ARHGAP15: variants seen among roughly 807,000 people sequenced by gnomAD.
ARHGAP15 encodes the protein Rho GTPase activating protein 15, also known as rho GTPase-activating protein 15.
ARHGAP15 carries 51 observed loss-of-function variants against 63.7 expected under a neutral mutation model. That is an observed-to-expected ratio of 0.80 (90% CI 0.64 to 1.01). ARHGAP15 has a LOEUF of 1.01. Among genes scored for constraint, ARHGAP15 ranks in the 50% least tolerant of loss-of-function variants. ARHGAP15 has a pLI of 0.00. For missense variants in ARHGAP15, 560 were observed against 564.6 expected, an observed-to-expected ratio of 0.99 and a Z score of 0.08; for synonymous variants, 191 against 193.8, an observed-to-expected ratio of 0.99 and a Z score of 0.12.
At chr2:143,478,460 C>T (rs1691925753) in intron 8 of ARHGAP15, among the ~76,000 whole-genome samples, 1 of 152,178 alleles carries the variant, frequency 6.6e-6, no homozygotes, top group Non-Finnish European at 1.5e-5. Context: ...TCTCTATGTC[C>T]TTAGACACGG....
At chr2:143,388,704 C>CT (rs1191830377) in intron 6 of ARHGAP15, among the ~76,000 whole-genome samples, 1 of 152,136 alleles carries the variant, frequency 6.6e-6, no homozygotes, top group Non-Finnish European at 1.5e-5. Flanking sequence ...AAGTATTGGT[C>CT]TTAATTGTTC....
intron 12 of ARHGAP15, among the ~76,000 whole-genome samples, chr2:143,650,495 C>T (rs928878776): frequency 2.2e-4 from 33 of 151,880 alleles, no homozygotes; most frequent in Admixed American, 2.0e-3. Context: ...ACAGTACCTT[C>T]CTCGGATGTT....
At chr2:143,474,810 T>G (rs573440758) in intron 8 of ARHGAP15, among the ~76,000 whole-genome samples, 1 of 152,226 alleles carries the variant, frequency 6.6e-6, no homozygotes, top group Admixed American at 6.5e-5. Flanking sequence ...TGCCCAAGAA[T>G]GGGGTTATCT....
chr2:143,130,236 A>G (rs1559023761), intron 1 of ARHGAP15, among the ~76,000 whole-genome samples: 1 of 152,156 alleles, frequency 6.6e-6, no homozygotes, highest in Non-Finnish European at 1.5e-5. Flanking sequence ...CTTAGAAATG[A>G]AAAGGATTTG....
At chr2:143,665,936 A>G (rs1176299804) in intron 12 of ARHGAP15, among the ~76,000 whole-genome samples, 2 of 144,464 alleles carry the variant, frequency 1.4e-5, no homozygotes, top group South Asian at 4.7e-4. Flanking sequence ...AACAAATGGA[A>G]GAACATTCCA....
intron 11 of ARHGAP15, among the ~76,000 whole-genome samples, chr2:143,602,019 C>CT (rs973502593): frequency 5.3e-5 from 8 of 151,700 alleles, no homozygotes; most frequent in Admixed American, 6.6e-5. Flanking sequence ...ATCAGCTAGT[C>CT]TTTTTTTTGG....
intron 2 of ARHGAP15, among the ~76,000 whole-genome samples, chr2:143,171,197 C>T (rs929705997): frequency 1.3e-5 from 2 of 152,094 alleles, no homozygotes; most frequent in South Asian, 2.1e-4. Context: ...CTCAGGATAT[C>T]ACTATTGTAT....
intron 6 of ARHGAP15, among the ~76,000 whole-genome samples, chr2:143,339,027 T>C (rs1684935155): frequency 6.6e-6 from 1 of 152,170 alleles, no homozygotes; most frequent in Non-Finnish European, 1.5e-5. Context: ...GTGTTCTTTG[T>C]TGGGGATAGC....
intron 9 of ARHGAP15, among the ~76,000 whole-genome samples, chr2:143,493,442 T>G (rs1246072980): frequency 6.6e-6 from 1 of 152,266 alleles, no homozygotes; most frequent in Non-Finnish European, 1.5e-5. Context: ...CCAGTTATAC[T>G]GTTCTTGCTT....
intron 9 of ARHGAP15, among the ~76,000 whole-genome samples, chr2:143,498,220 A>C (rs1001196995): frequency 1.3e-5 from 2 of 152,206 alleles, no homozygotes; most frequent in Non-Finnish European, 2.9e-5. Context: ...TATTAAAAGC[A>C]TCTCTCTTTG....
At chr2:143,558,166 C>G (rs1695885760) in intron 11 of ARHGAP15, among the ~76,000 whole-genome samples, 1 of 152,158 alleles carries the variant, frequency 6.6e-6, no homozygotes, top group African/African-American at 2.4e-5. Flanking sequence ...TTCAGGTCCT[C>G]TGAATGTTTT....
chr2:143,163,809 C>T (rs1248304380), intron 2 of ARHGAP15, among the ~76,000 whole-genome samples: 4 of 152,036 alleles, frequency 2.6e-5, no homozygotes, highest in South Asian at 2.1e-4. Context: ...GTGGGGGCGG[C>T]GGTGTGTTTA....
At chr2:143,666,406 A>G (rs1316752062) in intron 12 of ARHGAP15, among the ~76,000 whole-genome samples, 1 of 152,188 alleles carries the variant, frequency 6.6e-6, no homozygotes, top group Non-Finnish European at 1.5e-5. Flanking sequence ...TACACCTTAT[A>G]CAAAAATCAA....
chr2:143,537,222 G>GT (rs541680974), intron 10 of ARHGAP15, among the ~76,000 whole-genome samples: 47,440 of 151,620 alleles, frequency 0.31, 7,972 homozygotes, highest in East Asian at 0.42. Context: ...TTTTGACGAG[G>GT]TTGTTTGTTT....
intron 13 of ARHGAP15, among the ~76,000 whole-genome samples, chr2:143,738,903 A>G (rs1185826282): frequency 6.6e-6 from 1 of 152,202 alleles, no homozygotes; most frequent in East Asian, 1.9e-4. Context: ...AGCCGTAACG[A>G]AAACAAGGTC....
rs530032627 is a variant in ARHGAP15 at position 143,440,931 on chromosome 2, A to C, written c.703+3889A>C. Among the ~76,000 whole-genome samples the C allele has an allele frequency of 2.0e-5, 3 of 152,316 alleles. No individual in the cohort carries two copies. The South Asian group carries it at 6.2e-4, about 32-fold the overall frequency. ...GACAGCAAAGAGGGGGAAGGCCCAA[A>C]TATAATAAATCTTGCATCAGATAAC... On this transcript the variant is annotated intron_variant, in intron 8 of 13. Transcript: ENST00000295095.
chr2:143,725,502 C>T (rs1216632307), intron 13 of ARHGAP15, among the ~76,000 whole-genome samples: 2 of 152,336 alleles, frequency 1.3e-5, no homozygotes, highest in East Asian at 3.9e-4. Context: ...ATAACTTGTT[C>T]TCAGAAAACT....
In ARHGAP15 at chr2:143,768,159, C is replaced by A; in HGVS notation, c.1415C>A (p.Ser472Ter). 6.2e-7 allele frequency: 1 copy of A among 1,613,172 alleles called. No homozygotes were observed. The highest frequency in any genetic ancestry group is 1.1e-5 in the South Asian group (1 of 90,976). Residue 472 changes from serine (S) to a stop codon, truncating the protein, a stop_gained, in exon 14 of 14, where the codon TCA (serine) becomes TAA (stop). Coordinates refer to ENST00000295095, the MANE Select transcript of ARHGAP15 (RefSeq NM_018460.4). LOFTEE classifies it high-confidence loss of function. Reference protein sequence around the residue: ...MLSEYSKIFGSEED With the variant: ...MLSEYSKIFG ...AGTGAGTACAGTAAGATCTTCGGCT[C>A]AGAGGAAGACTGACAGACAAGACAA...
chr2:143,659,900 C>T (rs59030109), intron 12 of ARHGAP15, among the ~76,000 whole-genome samples: 23,379 of 145,418 alleles, frequency 0.16, 1,887 homozygotes, highest in East Asian at 0.25. Context: ...GTTTTTTTTT[C>T]CCCCAAGAGA....
Sources: gnomAD v4.1 joint callset for allele counts (sites outside exome capture counted in the v4.1 genomes callset) on GRCh38, gnomAD v4.1.1 for gene constraint, MANE v1.5 for transcripts, NCBI Gene and HGNC (gene_info 2026-07-23, HGNC 2026-07-21) for gene names.